The following TMEFF1 variants were observed in gnomAD, a reference collection of about 807,000 sequenced individuals.
TMEFF1 encodes transmembrane protein with EGF like and two follistatin like domains 1.
A neutral mutation model predicts 47.5 loss-of-function variants in TMEFF1; 20 were observed. The observed-to-expected ratio is 0.42, with a 90% CI of 0.30 to 0.61. TMEFF1 has a LOEUF of 0.61. TMEFF1 is among the 20% of genes least tolerant of loss of function. TMEFF1 has a pLI of 0.19. For synonymous variants in TMEFF1, 162 were observed against 166.3 expected (o/e 0.97, Z 0.20); for missense variants, 411 against 471.1 (o/e 0.87, Z 1.18).
chr9:100,531,871 T>C (rs1838387261), intron 5 of TMEFF1, among the ~76,000 whole-genome samples: 1 of 151,846 alleles, frequency 6.6e-6, no homozygotes, highest in South Asian at 2.1e-4. Flanking sequence ...CAAAACAGCA[T>C]GGTACTGGTA....
intron 1 of TMEFF1, among the ~76,000 whole-genome samples, chr9:100,490,201 C>G (rs1837524303): frequency 6.6e-6 from 1 of 152,114 alleles, no homozygotes; most frequent in East Asian, 1.9e-4. Context: ...TTTTAGCCAT[C>G]TCTGCAGTTG....
chr9:100,553,937 T>TC (rs2118526833), intron 7 of TMEFF1, among the ~76,000 whole-genome samples: 1 of 152,340 alleles, frequency 6.6e-6, no homozygotes, highest in African/African-American at 2.4e-5. Context: ...TGATACCATT[T>TC]CCACCTGCAC....
At chr9:100,543,058 A>G (rs1464489974) in intron 5 of TMEFF1, among the ~76,000 whole-genome samples, 1 of 151,360 alleles carries the variant, frequency 6.6e-6, no homozygotes, top group Non-Finnish European at 1.5e-5. Flanking sequence ...CCTCCTGAGT[A>G]GCTGGGATTA....
At chr9:100,543,683 C>T (rs1201032355) in intron 5 of TMEFF1, among the ~76,000 whole-genome samples, 2 of 149,466 alleles carry the variant, frequency 1.3e-5, no homozygotes, top group South Asian at 2.1e-4. Context: ...TAAACTAACA[C>T]TAACATAGCT....
Position 100,509,142 on chromosome 9 carries a change from T to A in TMEFF1, c.436+8T>A, listed in dbSNP as rs762958766. ...GAGGACCATGCTACTCTGGTATGTA[T>A]GATATTCTTCTGAATAAATTTTGGA... On this transcript the variant is annotated splice_region_variant and intron_variant, in intron 3 of 9. Transcript: ENST00000374879. 6.6e-7 allele frequency: 1 copy of A among 1,503,826 alleles called. No individual in the cohort carries two copies. The highest frequency in any genetic ancestry group is 1.3e-5 in the South Asian group (1 of 74,100). The allele number at this position is 1,503,826 out of a possible 1,614,324, so 93.2% of individuals were successfully genotyped here.
At chr9:100,541,664 C>A (rs1838635386) in intron 5 of TMEFF1, among the ~76,000 whole-genome samples, 1 of 152,042 alleles carries the variant, frequency 6.6e-6, no homozygotes, top group Non-Finnish European at 1.5e-5. Flanking sequence ...GTATGAGCCA[C>A]CACGCCTGGC....
At chr9:100,476,282 A>G (rs927196525) in intron 1 of TMEFF1, among the ~76,000 whole-genome samples, 1 of 152,160 alleles carries the variant, frequency 6.6e-6, no homozygotes, top group African/African-American at 2.4e-5. Flanking sequence ...AAGTTTGAGA[A>G]CCATGTTAAT....
At chr9:100,561,565 A>G in intron 8 of TMEFF1, 45 bp downstream of exon 8, 1 of 1,585,160 alleles carries the variant, frequency 6.3e-7, no homozygotes, top group African/African-American at 1.4e-5. Flanking sequence ...TTTTTTCATC[A>G]ATGGTTGTTG....
chr9:100,488,969 C>T (rs72735140), intron 1 of TMEFF1, among the ~76,000 whole-genome samples: 6,660 of 151,904 alleles, frequency 0.044, 324 homozygotes, highest in South Asian at 0.22. Flanking sequence ...CAGTGGTTTT[C>T]GTACATTTAC....
At chr9:100,506,715 C>T (rs914102272) in intron 2 of TMEFF1, among the ~76,000 whole-genome samples, 42 of 143,954 alleles carry the variant, frequency 2.9e-4, no homozygotes, top group Middle Eastern at 4.0e-3. Flanking sequence ...TCCAGTGAGC[C>T]GAGACCATGC....
rs532533460 is a variant in TMEFF1, at chr9:100,492,087, C to T, written c.197-6678C>T. Among the ~76,000 whole-genome samples, 506 of 152,074 alleles carry T rather than the reference C, an allele frequency of 3.3e-3. 2 individuals are homozygous for T. The highest frequency in any genetic ancestry group is 0.011 in the African/African-American group (471 of 41,488). ...TTTTAGTAGAGACGGGGTTTCATCA[C>T]GTTGGCCAGGCTGGTCTTGAACTCT... is the stretch of plus-strand genomic sequence containing the variant. On this transcript the variant is annotated intron_variant, in intron 1 of 9. Coordinates refer to ENST00000374879, the MANE Select transcript of TMEFF1 (RefSeq NM_003692.5).
chr9:100,552,595 G>C (rs1178302046), intron 7 of TMEFF1, among the ~76,000 whole-genome samples: 1 of 152,184 alleles, frequency 6.6e-6, no homozygotes, highest in Non-Finnish European at 1.5e-5. Context: ...GAAGCCACAA[G>C]AATGAATGAG....
At chr9:100,478,528 T>C (rs918538235) in intron 1 of TMEFF1, among the ~76,000 whole-genome samples, 2 of 152,388 alleles carry the variant, frequency 1.3e-5, no homozygotes, top group African/African-American at 4.8e-5. Flanking sequence ...ATGCCCAGGC[T>C]GGAACAAGAC....
intron 5 of TMEFF1, among the ~76,000 whole-genome samples, chr9:100,536,660 T>TTCTTACTA (rs1432296470): frequency 6.6e-6 from 1 of 152,222 alleles, no homozygotes; most frequent in East Asian, 1.9e-4. Context: ...AGATTGTTAG[T>TTCTTACTA]AAGAGCATGC....
intron 5 of TMEFF1, among the ~76,000 whole-genome samples, chr9:100,537,658 C>T (rs987221587): frequency 6.6e-6 from 1 of 152,184 alleles, no homozygotes; most frequent in African/African-American, 2.4e-5. Context: ...TTCTAAAGTC[C>T]TTTTCAGCAT....
chr9:100,494,206 C>CAAAAAAA (rs543991655), intron 1 of TMEFF1, among the ~76,000 whole-genome samples: 1 of 54,238 alleles, frequency 1.8e-5, no homozygotes, highest in South Asian at 5.3e-4. Context: ...GACCTTGTCT[C>CAAAAAAA]AAAAAAAAAA....
intron 2 of TMEFF1, among the ~76,000 whole-genome samples, chr9:100,506,961 C>T (rs1294457319): frequency 2.6e-5 from 4 of 151,908 alleles, no homozygotes; most frequent in Non-Finnish European, 5.9e-5. Flanking sequence ...TATTGCTGAT[C>T]CTGCCACCCA....
chr9:100,520,700 A>G (rs370054662), intron 5 of TMEFF1, among the ~76,000 whole-genome samples: 1 of 152,240 alleles, frequency 6.6e-6, no homozygotes, highest in Non-Finnish European at 1.5e-5. Flanking sequence ...TTTTTTACAC[A>G]TAATATATTT....
intron 5 of TMEFF1, among the ~76,000 whole-genome samples, chr9:100,525,032 C>G (rs1420944302): frequency 2.0e-5 from 3 of 152,120 alleles, no homozygotes; most frequent in Non-Finnish European, 4.4e-5. Context: ...TACGGTAGCA[C>G]TAGGCATCTT....
Sources: allele counts gnomAD v4.1 joint callset (sites outside exome capture counted in the v4.1 genomes callset), GRCh38; gene constraint gnomAD v4.1.1; transcripts MANE v1.5; gene names NCBI Gene and HGNC (gene_info 2026-07-23, HGNC 2026-07-21).